Variants in CACNA1C observed in about 807,000 individuals in gnomAD.
CACNA1C encodes voltage-dependent L-type calcium channel subunit alpha-1C.
A neutral mutation model predicts 229.0 loss-of-function variants in CACNA1C; 30 were observed. The observed-to-expected ratio is 0.13, with a 90% confidence interval of 0.10 to 0.18. The LOEUF is 0.18. CACNA1C is among the 10% of genes least tolerant of loss of function. The probability of loss-of-function intolerance (pLI) is 1.00; values close to 1 mark genes in which losing one functional copy is unlikely to be tolerated. For synonymous variants in CACNA1C, 1,114 were observed against 1,132.5 expected (o/e 0.98, Z 0.33); for missense variants, 1,658 against 2,845.0 (o/e 0.58, Z 9.49).
chr12:2,459,426 A>G (rs2099483354), intron 5 of CACNA1C, among the ~76,000 whole-genome samples: 3 of 152,104 alleles, frequency 2.0e-5, no homozygotes, highest in South Asian at 2.1e-4. Context: ...ACATAAGCAA[A>G]GGGAACTTAC....
rs1375198583 is a variant in CACNA1C, at chr12:2,319,254, A to G, written c.478-129722A>G. Reference sequence around the variant, plus strand: ...GCAGCTTACATGATGTGTAGTGTACATGGGGGCGGCGTGCATGGTGGGTGG... The same window carrying G: ...GCAGCTTACATGATGTGTAGTGTACGTGGGGGCGGCGTGCATGGTGGGTGG... On this transcript the variant is annotated intron_variant, in intron 3 of 46. Coordinates refer to ENST00000399655, the MANE Select transcript of CACNA1C (RefSeq NM_000719.7). This position sits in a 1 kb window ranked among gnomAD's most constrained non-coding sequence, Gnocchi z 4.0. Among the ~76,000 whole-genome samples the G allele has an allele frequency of 6.6e-6, 1 of 151,926 alleles. No individual in the cohort carries two copies. Among genetic ancestry groups the G allele is most frequent in the African/African-American group, 2.4e-5 (1 of 41,358 alleles).
intron 3 of CACNA1C, among the ~76,000 whole-genome samples, chr12:2,239,175 G>A (rs1217709669): frequency 6.6e-6 from 1 of 152,206 alleles, no homozygotes; most frequent in Admixed American, 6.5e-5. Flanking sequence ...AAGATAATCA[G>A]GAGGTCAGCG....
chr12:2,145,123 G>C (rs148229169), intron 3 of CACNA1C, among the ~76,000 whole-genome samples: 1 of 151,414 alleles, frequency 6.6e-6, no homozygotes, highest in African/African-American at 2.4e-5. Flanking sequence ...GCTGCTAAGG[G>C]CTGCCTGCTG....
rs146763423 is a variant in CACNA1C at position 2,314,712 on chromosome 12, A to G, written c.478-134264A>G. Among the ~76,000 whole-genome samples, 767 of 152,214 alleles carry G rather than the reference A, an allele frequency of 5.0e-3. 4 individuals are homozygous for G. The highest frequency in any genetic ancestry group is 8.0e-3 in the Non-Finnish European group (545 of 68,004). On this transcript the variant is annotated intron_variant, in intron 3 of 46. Transcript: ENST00000399655. ...TAGTATTCCATTGTTCATGTTCATC[A>G]GTGTATAGTGTTCCATTGTACAAGT... is the stretch of plus-strand genomic sequence containing the variant.
At chr12:2,120,039 A>G (rs1377157519) in intron 2 of CACNA1C, among the ~76,000 whole-genome samples, 1 of 152,208 alleles carries the variant, frequency 6.6e-6, no homozygotes, top group Middle Eastern at 3.2e-3. Flanking sequence ...ATGAAGACCA[A>G]TGCAATCTAA....
intron 9 of CACNA1C, among the ~76,000 whole-genome samples, chr12:2,538,002 G>A (rs747433880): frequency 6.6e-6 from 1 of 152,018 alleles, no homozygotes; most frequent in Non-Finnish European, 1.5e-5. Flanking sequence ...CAACCCGGCA[G>A]CAATAACCAA....
At chr12:2,260,302 C>G (rs1349873366) in intron 3 of CACNA1C, among the ~76,000 whole-genome samples, 1 of 151,790 alleles carries the variant, frequency 6.6e-6, no homozygotes, top group Non-Finnish European at 1.5e-5. Flanking sequence ...ATGGTGGGAC[C>G]TTGTCTCTAC....
chr12:2,341,049 C>T (rs576308466), intron 3 of CACNA1C, among the ~76,000 whole-genome samples: 6 of 152,270 alleles, frequency 3.9e-5, no homozygotes, highest in East Asian at 1.9e-4. Flanking sequence ...TGGACATGAA[C>T]GTTTTTGCAT....
intron 13 of CACNA1C, among the ~76,000 whole-genome samples, chr12:2,580,049 C>T (rs2059946130): frequency 4.6e-5 from 7 of 152,218 alleles, no homozygotes. Flanking sequence ...GTCCATCACA[C>T]ATACTGGGTT....
intron 3 of CACNA1C, chr12:2,223,539 C>T (rs1176091137): frequency 6.6e-6 from 1 of 152,182 alleles, no homozygotes; most frequent in African/African-American, 2.4e-5. Context: ...ATGTAACATT[C>T]ATCGTCCTTC....
chr12:2,160,660 G>A (rs548211599), intron 3 of CACNA1C, among the ~76,000 whole-genome samples: 1 of 152,306 alleles, frequency 6.6e-6, no homozygotes, highest in African/African-American at 2.4e-5. Flanking sequence ...CTCATAACAG[G>A]CATAATGGTG....
intron 5 of CACNA1C, among the ~76,000 whole-genome samples, chr12:2,471,893 C>T (rs541863461): frequency 6.6e-6 from 1 of 152,322 alleles, no homozygotes; most frequent in African/African-American, 2.4e-5. Context: ...CTTGGCCAGG[C>T]TGGCCTTGAA....
chr12:1,982,742 A>G (rs1355287678), intron 1 of CACNA1C, among the ~76,000 whole-genome samples: 1 of 152,034 alleles, frequency 6.6e-6, no homozygotes, highest in African/African-American at 2.4e-5. Context: ...TTGATCAATA[A>G]TTTTCTTTTC....
rs774821611 is a variant in CACNA1C, at chr12:2,115,456, C to T, written c.282C>T (p.Ser94=). Residue 94 remains serine (S), a synonymous_variant, in exon 2 of 47, where the codon AGC becomes AGT. Coordinates refer to ENST00000399655, the MANE Select transcript of CACNA1C (RefSeq NM_000719.7). ...QQYGKPKKQG[S]TTATRPPRAL... is the part of the protein sequence containing the mutation. ...ATGGGAAACCCAAGAAGCAGGGCAG[C>T]ACCACGGCCACACGCCCGCCCCGAG... The T allele has an allele frequency of 9.3e-6, 15 of 1,613,136 alleles. No homozygotes were observed. The highest frequency in any genetic ancestry group is 6.6e-5 in the South Asian group (6 of 91,086).
In CACNA1C at chr12:2,275,767, ACT is replaced by A. The variant is rs2087615467; in HGVS notation, c.477+155338_477+155339del. ...GCATAGGTGGGAGAAGACAGCCAGC[ACT>A]GTAGAGTGGGGAGGGCTCAGTGCTT... On this transcript the variant is annotated intron_variant, in intron 3 of 46. Transcript: ENST00000399655. This position sits in a 1 kb window ranked among gnomAD's most constrained non-coding sequence, Gnocchi z 4.1. Among the ~76,000 whole-genome samples the A allele has an allele frequency of 6.6e-6, 1 of 152,122 alleles. No individual in the cohort carries two copies. The highest frequency in any genetic ancestry group is 2.4e-5 in the African/African-American group (1 of 41,422).
chr12:2,361,227 C>A (rs1331942205), intron 3 of CACNA1C, among the ~76,000 whole-genome samples: 1 of 151,552 alleles, frequency 6.6e-6, no homozygotes, highest in Non-Finnish European at 1.5e-5. Context: ...TTTGGACCAG[C>A]CACACCCTGA....
intron 3 of CACNA1C, among the ~76,000 whole-genome samples, chr12:2,225,757 C>T (rs952235425): frequency 3.3e-5 from 5 of 152,158 alleles, no homozygotes; most frequent in African/African-American, 1.2e-4. Flanking sequence ...AGGCAACCAT[C>T]ATTCCTCTTG....
chr12:2,408,396 A>G (rs2098762589), intron 3 of CACNA1C, among the ~76,000 whole-genome samples: 2 of 152,178 alleles, frequency 1.3e-5, no homozygotes. Context: ...AGTAAATTTT[A>G]TGTTATGTAT....
At chr12:2,168,084 G>A (rs2096315729) in intron 3 of CACNA1C, among the ~76,000 whole-genome samples, 1 of 152,168 alleles carries the variant, frequency 6.6e-6, no homozygotes. Context: ...TTGTGTACAT[G>A]TGTGCATGCG....
Sources: gnomAD v4.1 joint callset for allele counts (sites outside exome capture counted in the v4.1 genomes callset) on GRCh38, gnomAD v4.1.1 for gene constraint, Gnocchi (gnomAD v3.1) non-coding constraint, MANE v1.5 for transcripts, NCBI Gene and HGNC (gene_info 2026-07-23, HGNC 2026-07-21) for gene names.